The following CLEC16A variants were observed in gnomAD, a reference collection of about 807,000 sequenced individuals.
CLEC16A encodes protein CLEC16A.
CLEC16A carries 51 observed loss-of-function variants against 109.5 expected under a neutral mutation model. That is an observed-to-expected ratio of 0.47 (90% CI 0.37 to 0.59). CLEC16A has a LOEUF of 0.59. CLEC16A is among the 20% of genes least tolerant of loss of function. The pLI is 0.00. For synonymous variants in CLEC16A, 673 were observed against 564.2 expected, an observed-to-expected ratio of 1.19 and a Z score of -2.73; for missense variants, 1,339 against 1,394.0, an observed-to-expected ratio of 0.96 and a Z score of 0.63.
intron 22 of CLEC16A, among the ~76,000 whole-genome samples, chr16:11,165,904 G>A (rs2068240562): frequency 6.6e-6 from 1 of 152,240 alleles, no homozygotes; most frequent in African/African-American, 2.4e-5. Context: ...TCTGGAAGGA[G>A]CGTCCAGGGC....
At chr16:11,017,133 T>C (rs2045805512) in intron 11 of CLEC16A, among the ~76,000 whole-genome samples, 1 of 152,224 alleles carries the variant, frequency 6.6e-6, no homozygotes, top group African/African-American at 2.4e-5. Flanking sequence ...TCACAGACTT[T>C]GTCGGGGAGT....
intron 19 of CLEC16A, among the ~76,000 whole-genome samples, chr16:11,076,545 C>T (rs771167637): frequency 9.2e-5 from 14 of 152,210 alleles, no homozygotes; most frequent in Non-Finnish European, 1.9e-4. Flanking sequence ...CTGCATCACA[C>T]GCCCACCTTC....
At chr16:11,095,328 A>C (rs1162227547) in intron 19 of CLEC16A, among the ~76,000 whole-genome samples, 1 of 152,200 alleles carries the variant, frequency 6.6e-6, no homozygotes, top group East Asian at 1.9e-4. Flanking sequence ...CCCTCATAGC[A>C]GCCTGGCACA....
chr16:11,033,257 A>ACTAGG (rs2046845504), intron 13 of CLEC16A, among the ~76,000 whole-genome samples: 5 of 152,100 alleles, frequency 3.3e-5, no homozygotes, highest in Admixed American at 2.0e-4. Context: ...AAGGAGAGTC[A>ACTAGG]CTAGGCTAGG....
rs752111516 is a variant in CLEC16A, at chr16:11,003,194, G to A, written c.1192G>A (p.Glu398Lys). Residue 398 changes from glutamate (E) to lysine (K), a missense_variant, in exon 11 of 24, where the codon GAA becomes AAA. Transcript: ENST00000409790. ...QKRPNYKNVG[E>K]EEDEEKGPTE... ...GAGACCCAACTACAAAAACGTTGGG[G>A]AAGAAGAAGATGAGGAGAAAGGGCC... 1 of 1,613,592 alleles carries A rather than the reference G, an allele frequency of 6.2e-7. No homozygotes were observed. The highest frequency in any genetic ancestry group is 2.2e-5 in the East Asian group (1 of 44,876).
chr16:10,978,965 A>G (rs2043168059), intron 8 of CLEC16A, among the ~76,000 whole-genome samples: 1 of 152,004 alleles, frequency 6.6e-6, no homozygotes, highest in South Asian at 2.1e-4. Context: ...CCATGCTTTG[A>G]AAATAACTTC....
At chr16:11,100,976 G>A (rs1232844156) in intron 19 of CLEC16A, among the ~76,000 whole-genome samples, 1 of 152,196 alleles carries the variant, frequency 6.6e-6, no homozygotes, top group Non-Finnish European at 1.5e-5. Context: ...GTGAGGGCCA[G>A]ACCTTCATTT....
chr16:11,146,833 A>C (rs1256953851), intron 22 of CLEC16A, among the ~76,000 whole-genome samples: 1 of 152,138 alleles, frequency 6.6e-6, no homozygotes, highest in East Asian at 1.9e-4. Context: ...TCTGTGTGCT[A>C]AACATTGTTC....
At chr16:11,047,718 T>G (rs1934622569) in intron 17 of CLEC16A, 1 of 156,662 alleles carries the variant, frequency 6.4e-6, no homozygotes, top group Non-Finnish European at 1.4e-5. Context: ...CCTTTCTTGC[T>G]GAATTAGTCT....
chr16:11,166,480 G>T lies in CLEC16A; in HGVS notation c.2734G>T (p.Gly912Trp). The T allele has an allele frequency of 6.2e-7, 1 of 1,608,636 alleles. No individual in the cohort carries two copies. Among genetic ancestry groups the T allele is most frequent in the Non-Finnish European group, 8.5e-7 (1 of 1,179,678 alleles). Reference sequence around the variant, plus strand: ...CGCCAGCGGGAGCCCCAGCGGCAGCGGGAGCACCAGCCACTGCGACTCTGG... The same window carrying T: ...CGCCAGCGGGAGCCCCAGCGGCAGCTGGAGCACCAGCCACTGCGACTCTGG... ...PSASGSPSGSGSTSHCDSGGT... is the reference protein window; with the variant it reads ...PSASGSPSGSWSTSHCDSGGT... Residue 912 changes from glycine to tryptophan, a missense_variant, in exon 23 of 24, where the codon GGG becomes TGG. By Grantham distance (184) the Gly-to-Trp change is radical (BLOSUM62 -2). This residue lies in a region of CLEC16A where 1,061 missense variants were observed against 1,006.8 expected (regional missense o/e 1.05). Coordinates refer to ENST00000409790, the MANE Select transcript of CLEC16A (RefSeq NM_015226.3).
intron 19 of CLEC16A, among the ~76,000 whole-genome samples, chr16:11,107,893 C>A (rs1597403922): frequency 6.6e-6 from 1 of 152,200 alleles, no homozygotes; most frequent in African/African-American, 2.4e-5. Context: ...TGTTGATTGA[C>A]CCCTCGGACC....
At chr16:11,136,648 T>C (rs986407899) in intron 22 of CLEC16A, among the ~76,000 whole-genome samples, 1 of 152,250 alleles carries the variant, frequency 6.6e-6, no homozygotes, top group Non-Finnish European at 1.5e-5. Flanking sequence ...AGACTTTCCC[T>C]GGGCGTTGGT....
chr16:11,072,265 A>G (rs1301044221), intron 19 of CLEC16A, among the ~76,000 whole-genome samples: 1 of 151,828 alleles, frequency 6.6e-6, no homozygotes, highest in Non-Finnish European at 1.5e-5. Flanking sequence ...GACTACTGGC[A>G]CGTGCCACCA....
At chr16:10,952,507 A>C (rs1041752813) in intron 1 of CLEC16A, among the ~76,000 whole-genome samples, 1 of 152,242 alleles carries the variant, frequency 6.6e-6, no homozygotes, top group Non-Finnish European at 1.5e-5. Context: ...AATGACAACA[A>C]CAACAAAAAG....
chr16:11,007,121 C>T (rs2045071548), intron 11 of CLEC16A, among the ~76,000 whole-genome samples: 1 of 152,102 alleles, frequency 6.6e-6, no homozygotes. Flanking sequence ...ATCCTTCAAA[C>T]TCCTCATGTA....
rs753299172 is a variant in CLEC16A, at chr16:10,973,035, CGATGACTGCGT to C, written c.704_714del (p.Asp235AlafsTer3). 5 of 1,608,066 alleles carry C rather than the reference CGATGACTGCGT, an allele frequency of 3.1e-6. No individual in the cohort carries two copies. The highest frequency in any genetic ancestry group is 4.2e-6 in the Non-Finnish European group (5 of 1,177,200). On this transcript the variant is annotated frameshift_variant, in exon 7 of 24. Transcript: ENST00000409790. LOFTEE classifies it high-confidence loss of function. ...TCATTGGGAGCCATGTGATCGAACT[CGATGACTGCGT>C]GCAGACTGATGAGGAGTAAGTGACA...
intron 10 of CLEC16A, among the ~76,000 whole-genome samples, chr16:10,998,022 C>G (rs2044431224): frequency 6.6e-6 from 1 of 152,170 alleles, no homozygotes; most frequent in Admixed American, 6.5e-5. Context: ...GGCACCCAGT[C>G]TTTGGTTGTT....
rs543973400 is a variant in CLEC16A at position 11,022,419 on chromosome 16, G to C, written c.1436+2094G>C. ...TAGTCTGGAACTCCTGGCCTCAAGT[G>C]ATCCTCCAATCCTCCTGCCTCAGCC... is the stretch of plus-strand genomic sequence containing the variant. On this transcript the variant is annotated intron_variant, in intron 12 of 23. Transcript: ENST00000409790. 4.9e-5 allele frequency among the ~76,000 whole-genome samples: 7 copies of C among 143,182 alleles called. No individual in the cohort carries two copies. In the East Asian group the frequency reaches 1.4e-3, roughly 29 times the overall value. The allele number at this position is 143,182 out of a possible 152,430, so 93.9% of individuals were successfully genotyped here.
rs558459769 is a variant in CLEC16A at position 11,124,068 on chromosome 16, T to C, written c.2473+122T>C. The C allele has an allele frequency of 4.4e-6, 4 of 904,444 alleles. No individual in the cohort carries two copies. The East Asian group carries it at 1.1e-4, about 24-fold the overall frequency. 56.0% of individuals were successfully genotyped at this position (904,444 alleles called of 1,614,324 possible). On this transcript the variant is annotated intron_variant, in intron 21 of 23. Transcript: ENST00000409790. ...GAAGAAGACACGTATGATTCAGGAATTGTTTTATATACGAATACGAGGAAG... is the reference window on the plus strand; with the variant it reads ...GAAGAAGACACGTATGATTCAGGAACTGTTTTATATACGAATACGAGGAAG...
Sources: allele counts gnomAD v4.1 joint callset (sites outside exome capture counted in the v4.1 genomes callset), GRCh38; gene constraint gnomAD v4.1.1; regional missense constraint gnomAD v4.1.1; transcripts MANE v1.5; gene names NCBI Gene and HGNC (gene_info 2026-07-23, HGNC 2026-07-21).